Variants in ENTPD1 observed in about 807,000 individuals in gnomAD.
ENTPD1 encodes ATP diphosphohydrolase.
ENTPD1 carries 33 observed loss-of-function variants against 57.0 expected under a neutral mutation model. That is an observed-to-expected ratio of 0.58 (90% CI 0.44 to 0.77). ENTPD1 has a LOEUF of 0.77. ENTPD1 is among the 30% of genes least tolerant of loss of function. ENTPD1 has a pLI of 0.00. For missense variants in ENTPD1, 501 were observed against 603.4 expected (o/e 0.83, Z 1.78); for synonymous variants, 202 against 218.8 (o/e 0.92, Z 0.68).
chr10:95,836,217 G>A (rs2140744949), intron 2 of ENTPD1, among the ~76,000 whole-genome samples: 1 of 152,170 alleles, frequency 6.6e-6, no homozygotes, highest in Non-Finnish European at 1.5e-5. Context: ...TGCTGTTTTA[G>A]TTATCATAGC....
chr10:95,759,932 G>T (rs944190049), intron 1 of ENTPD1, among the ~76,000 whole-genome samples: 20 of 152,176 alleles, frequency 1.3e-4, no homozygotes, highest in Non-Finnish European at 1.0e-4. Flanking sequence ...GACTGATGTG[G>T]TTAGGCTGCA....
chr10:95,697,535 A>G, the ENTPD1 span, among the ~76,000 whole-genome samples: 1 of 152,192 alleles, frequency 6.6e-6, no homozygotes, highest in African/African-American at 2.4e-5. Context: ...CTCTGCCTTC[A>G]TGAATGGACT....
intron 1 of ENTPD1, among the ~76,000 whole-genome samples, chr10:95,729,058 G>A (rs1047116468): frequency 1.3e-5 from 2 of 151,836 alleles, no homozygotes; most frequent in African/African-American, 2.4e-5. Context: ...TCATCTGCAT[G>A]TTTTTTCAAA....
chr10:95,723,197 G>T (rs1210483307), intron 1 of ENTPD1, among the ~76,000 whole-genome samples: 1 of 152,156 alleles, frequency 6.6e-6, no homozygotes, highest in African/African-American at 2.4e-5. Flanking sequence ...TCAATTATAG[G>T]TTTTAAATTT....
intron 1 of ENTPD1, among the ~76,000 whole-genome samples, chr10:95,786,547 C>G (rs2077021397): frequency 6.6e-6 from 1 of 152,120 alleles, no homozygotes; most frequent in South Asian, 2.1e-4. Flanking sequence ...TGTTGTTCCC[C>G]AAGGAGGAAG....
upstream of ENTPD1, among the ~76,000 whole-genome samples, chr10:95,709,788 CGG>C (rs1161072515): frequency 1.4e-5 from 2 of 147,776 alleles, no homozygotes; most frequent in African/African-American, 4.9e-5. Flanking sequence ...GTTTTTGAGA[CGG>C]AGTCTCCCTC....
At chr10:95,782,911 C>G (rs899487714) in intron 1 of ENTPD1, among the ~76,000 whole-genome samples, 4 of 152,088 alleles carry the variant, frequency 2.6e-5, no homozygotes, top group Non-Finnish European at 5.9e-5. Context: ...TAAAAAGATA[C>G]TGAGCTAGAA....
chr10:95,756,972 CTCTA>C (rs1431290437), intron 1 of ENTPD1, among the ~76,000 whole-genome samples: 4 of 152,220 alleles, frequency 2.6e-5, no homozygotes, highest in African/African-American at 9.7e-5. Flanking sequence ...GGTGTGCAGT[CTCTA>C]TCTTTTACCT....
intron 1 of ENTPD1, among the ~76,000 whole-genome samples, chr10:95,735,025 ATTTTTTTTT>A (rs376795429): frequency 2.4e-5 from 3 of 126,756 alleles, no homozygotes; most frequent in African/African-American, 8.8e-5. Context: ...ATGAAAATAG[ATTTTTTTTT>A]TTTTTTTTTT....
At chr10:95,863,946 T>C (rs905766470) in intron 8 of ENTPD1, among the ~76,000 whole-genome samples, 29 of 151,714 alleles carry the variant, frequency 1.9e-4, no homozygotes, top group African/African-American at 6.8e-4. Flanking sequence ...GGCAGGAGAG[T>C]TGCAGAGCAG....
chr10:95,838,770 G>A (rs1446438427), intron 2 of ENTPD1, among the ~76,000 whole-genome samples: 1 of 152,134 alleles, frequency 6.6e-6, no homozygotes, highest in Non-Finnish European at 1.5e-5. Flanking sequence ...ACACTTTACT[G>A]TAGCTACCCC....
chr10:95,726,872 T>C (rs891855614), intron 1 of ENTPD1, among the ~76,000 whole-genome samples: 3 of 152,174 alleles, frequency 2.0e-5, no homozygotes, highest in Non-Finnish European at 2.9e-5. Flanking sequence ...CCAGAAGTGA[T>C]GCTTTTTCCC....
At chr10:95,720,807 G>A (rs918169279) in intron 1 of ENTPD1, among the ~76,000 whole-genome samples, 8 of 152,182 alleles carry the variant, frequency 5.3e-5, no homozygotes, top group African/African-American at 1.7e-4. Flanking sequence ...AAGTGTCCTT[G>A]TAGACCACAC....
chr10:95,798,990 G>T (rs1278098035), intron 1 of ENTPD1, among the ~76,000 whole-genome samples: 2 of 152,182 alleles, frequency 1.3e-5, no homozygotes, highest in Non-Finnish European at 2.9e-5. Flanking sequence ...TGGTCTTCAC[G>T]TTGCTTCTGT....
rs560648140 is a variant in ENTPD1, at chr10:95,865,315, G to A, written c.1326+454G>A. ...CTCTGTGTGAAGAAGGGGACTGAGT[G>A]GCTGTGAATGATGAGACCGTTGTTT... On this transcript the variant is annotated intron_variant, in intron 9 of 9. Coordinates refer to ENST00000371205, the MANE Select transcript of ENTPD1 (RefSeq NM_001776.6). Among the ~76,000 whole-genome samples, 8 of 152,310 alleles carry A rather than the reference G, an allele frequency of 5.3e-5. No individual in the cohort carries two copies. In the East Asian group the frequency reaches 1.3e-3, roughly 26 times the overall value.
intron 1 of ENTPD1, among the ~76,000 whole-genome samples, chr10:95,716,014 GAC>G (rs1172067081): frequency 6.6e-6 from 1 of 152,040 alleles, no homozygotes; most frequent in Non-Finnish European, 1.5e-5. Context: ...ACAGATGTGT[GAC>G]ACCACATCCA....
At chr10:95,771,058 G>GT (rs1391078250) in intron 1 of ENTPD1, among the ~76,000 whole-genome samples, 1 of 151,800 alleles carries the variant, frequency 6.6e-6, no homozygotes, top group Non-Finnish European at 1.5e-5. Context: ...ACTTTTTATT[G>GT]TTTTTTAGTA....
chr10:95,854,176 G>A (rs955158561), intron 7 of ENTPD1, among the ~76,000 whole-genome samples: 3 of 152,084 alleles, frequency 2.0e-5, no homozygotes, highest in Non-Finnish European at 2.9e-5. Context: ...TGTGTGTGTC[G>A]AGGAATTTAT....
intron 1 of ENTPD1, among the ~76,000 whole-genome samples, chr10:95,781,889 C>G (rs758536124): frequency 7.2e-5 from 11 of 152,160 alleles, no homozygotes; most frequent in Admixed American, 2.6e-4. Context: ...ATAATATATT[C>G]CAGGAATTAG....
Sources: allele counts gnomAD v4.1 joint callset (sites outside exome capture counted in the v4.1 genomes callset), GRCh38; gene constraint gnomAD v4.1.1; transcripts MANE v1.5; gene names NCBI Gene and HGNC (gene_info 2026-07-23, HGNC 2026-07-21).